The following RGS7 variants were observed in gnomAD, a reference collection of about 807,000 sequenced individuals.
RGS7 encodes the protein regulator of G protein signaling 7, also known as regulator of G-protein signaling 7.
In RGS7, 27 loss-of-function variants were observed where a neutral mutation model predicts 81.1. The observed-to-expected ratio is 0.33, with a 90% CI of 0.25 to 0.46. The LOEUF (loss-of-function observed/expected upper bound fraction) is 0.46, where lower values mean the gene tolerates loss of function less well. Among genes scored for constraint, RGS7 ranks in the 20% least tolerant of loss-of-function variants. The pLI is 1.00. For synonymous variants in RGS7, 208 were observed against 207.7 expected, an observed-to-expected ratio of 1.00 and a Z score of -0.01; for missense variants, 396 against 607.4, an observed-to-expected ratio of 0.65 and a Z score of 3.66.
intron 3 of RGS7, among the ~76,000 whole-genome samples, chr1:241,076,731 T>C (rs772633363): frequency 1.3e-5 from 2 of 152,206 alleles, no homozygotes; most frequent in Non-Finnish European, 1.5e-5. Context: ...CAATGGCCAA[T>C]TGATTTCTGT....
At chr1:241,356,655 A>C (rs2083593210) in intron 1 of RGS7, among the ~76,000 whole-genome samples, 2 of 152,004 alleles carry the variant, frequency 1.3e-5, no homozygotes, top group Non-Finnish European at 2.9e-5. Flanking sequence ...TCACGGCAGC[A>C]GCAAATGGCA....
At chr1:241,209,230 A>C (rs958059668) in intron 2 of RGS7, among the ~76,000 whole-genome samples, 2 of 152,228 alleles carry the variant, frequency 1.3e-5, no homozygotes, top group Non-Finnish European at 2.9e-5. Flanking sequence ...GGGCACACAG[A>C]TGACACACTT....
intron 2 of RGS7, among the ~76,000 whole-genome samples, chr1:241,260,707 A>C (rs1176472098): frequency 6.6e-6 from 1 of 152,194 alleles, no homozygotes; most frequent in East Asian, 1.9e-4. Context: ...AAAATTGTGA[A>C]TGGCAAGAGC....
Position 240,779,365 on chromosome 1 carries a change from G to T in RGS7, c.*7-3152C>A, listed in dbSNP as rs568450624. On this transcript the variant is annotated intron_variant, in intron 18 of 18. Coordinates refer to ENST00000440928, the MANE Select transcript of RGS7 (RefSeq NM_001364886.1). ...GGGCCAGCTTTTGCCATTTTGGCCA[G>T]CCTGGTCCCAAACTCCTGACCTCAG... Among the ~76,000 whole-genome samples, 7 of 152,192 alleles carry T rather than the reference G, an allele frequency of 4.6e-5. No homozygotes were observed. The East Asian group carries it at 1.4e-3, about 30-fold the overall frequency.
rs372067738 is a variant in RGS7 at position 241,209,961 on chromosome 1, A to G, written c.79-111199T>C. Among the ~76,000 whole-genome samples the G allele has an allele frequency of 5.9e-5, 9 of 152,134 alleles. No homozygotes were observed. In the East Asian group the frequency reaches 1.7e-3, roughly 29 times the overall value. On this transcript the variant is annotated intron_variant, in intron 2 of 18. Coordinates refer to ENST00000440928, the MANE Select transcript of RGS7 (RefSeq NM_001364886.1). Reference sequence around the variant, plus strand: ...TTCTATAGGTGAAGAACAGATGTAAAGTAACTTAAAATGAATCAATAATGT... The same window carrying G: ...TTCTATAGGTGAAGAACAGATGTAAGGTAACTTAAAATGAATCAATAATGT...
intron 6 of RGS7, among the ~76,000 whole-genome samples, chr1:240,879,287 A>T (rs138686547): frequency 4.8e-4 from 73 of 152,236 alleles, no homozygotes; most frequent in Middle Eastern, 6.8e-3. Flanking sequence ...ACCTTGGATT[A>T]TTTTTTACTT....
chr1:240,869,408 T>C (rs1274608125), intron 7 of RGS7, among the ~76,000 whole-genome samples: 2 of 152,258 alleles, frequency 1.3e-5, no homozygotes, highest in Non-Finnish European at 2.9e-5. Flanking sequence ...CAAAACCCAC[T>C]CTTTCCCAGG....
intron 2 of RGS7, among the ~76,000 whole-genome samples, chr1:241,187,465 A>G (rs2072229067): frequency 6.6e-6 from 1 of 152,206 alleles, no homozygotes; most frequent in Admixed American, 6.5e-5. Flanking sequence ...GGGAGAAAAA[A>G]TGATTAAATA....
At chr1:240,881,975 T>C (rs1310846200) in intron 6 of RGS7, among the ~76,000 whole-genome samples, 2 of 151,880 alleles carry the variant, frequency 1.3e-5, no homozygotes, top group African/African-American at 4.8e-5. Flanking sequence ...AGTGTCATAG[T>C]GGCATCTCAG....
intron 2 of RGS7, among the ~76,000 whole-genome samples, chr1:241,168,798 C>T (rs1352519551): frequency 6.6e-6 from 1 of 152,038 alleles, no homozygotes; most frequent in African/African-American, 2.4e-5. Context: ...GAGAACTAGG[C>T]CAAGAGCCCA....
At chr1:241,208,112 G>C (rs545860467) in intron 2 of RGS7, among the ~76,000 whole-genome samples, 1 of 152,244 alleles carries the variant, frequency 6.6e-6, no homozygotes, top group East Asian at 1.9e-4. Flanking sequence ...TCACCATCCT[G>C]GCCAGGTGGT....
Position 241,167,288 on chromosome 1 carries a change from A to G in RGS7, c.79-68526T>C, listed in dbSNP as rs914354727. Among the ~76,000 whole-genome samples, 30 of 152,268 alleles carry G rather than the reference A, an allele frequency of 2.0e-4. 1 individual carries two copies. Among genetic ancestry groups the G allele is most frequent in the Admixed American group, 3.3e-4 (5 of 15,304 alleles). On this transcript the variant is annotated intron_variant, in intron 2 of 18. Transcript: ENST00000440928. Reference sequence around the variant, plus strand: ...ACGTGTTTGGCCGGGGGCAGACTGAAGCAGATTGTTGGATTTCCTCCAGTA... The same window carrying G: ...ACGTGTTTGGCCGGGGGCAGACTGAGGCAGATTGTTGGATTTCCTCCAGTA...
At chr1:241,098,835 A>G (rs1041284113) in intron 2 of RGS7, 73 bp from the exon 3 acceptor site, 1 of 1,069,502 alleles carries the variant, frequency 9.4e-7, no homozygotes, top group East Asian at 2.5e-5. Flanking sequence ...TCTCATAACA[A>G]TTTTGTATTC....
intron 2 of RGS7, among the ~76,000 whole-genome samples, chr1:241,194,836 GAGT>G: frequency 6.6e-6 from 1 of 152,298 alleles, no homozygotes; most frequent in East Asian, 1.9e-4. Context: ...AGGTTGACAG[GAGT>G]ATTTAAAAGT....
chr1:241,073,988 C>G (rs182357754), intron 3 of RGS7, among the ~76,000 whole-genome samples: 4 of 152,090 alleles, frequency 2.6e-5, no homozygotes, highest in Admixed American at 2.6e-4. Flanking sequence ...GTAACCTCCG[C>G]CTCCCAGGTT....
Position 241,098,286 on chromosome 1 carries a change from C to T in RGS7, c.175+380G>A, listed in dbSNP as rs533801566. On this transcript the variant is annotated intron_variant, in intron 3 of 18. Coordinates refer to ENST00000440928, the MANE Select transcript of RGS7 (RefSeq NM_001364886.1). ...TCTTCCTCATCTTTCAAACAGCTCACCACTGCTCTGCAGAAACCCTTTCCT... is the reference window on the plus strand; with the variant it reads ...TCTTCCTCATCTTTCAAACAGCTCATCACTGCTCTGCAGAAACCCTTTCCT... 3.9e-5 allele frequency among the ~76,000 whole-genome samples: 6 copies of T among 152,320 alleles called. No individual in the cohort carries two copies. In the East Asian group the frequency reaches 1.2e-3, roughly 29 times the overall value.
intron 6 of RGS7, among the ~76,000 whole-genome samples, chr1:240,916,926 A>T (rs978747971): frequency 3.9e-5 from 6 of 152,228 alleles, no homozygotes; most frequent in African/African-American, 1.4e-4. Context: ...AAGCACAATA[A>T]CTATCAGAGC....
chr1:240,827,630 A>T (rs1411058048), intron 9 of RGS7, among the ~76,000 whole-genome samples: 1 of 152,058 alleles, frequency 6.6e-6, no homozygotes, highest in Non-Finnish European at 1.5e-5. Flanking sequence ...TGGGAAGCTG[A>T]GGTGGGTGGA....
At chr1:241,284,963 C>A (rs190305774) in intron 2 of RGS7, among the ~76,000 whole-genome samples, 1 of 152,102 alleles carries the variant, frequency 6.6e-6, no homozygotes, top group African/African-American at 2.4e-5. Context: ...CTCCGCCTCC[C>A]GGGTTCACAT....
Sources: allele counts gnomAD v4.1 joint callset (sites outside exome capture counted in the v4.1 genomes callset), GRCh38; gene constraint gnomAD v4.1.1; transcripts MANE v1.5; gene names NCBI Gene and HGNC (gene_info 2026-07-23, HGNC 2026-07-21).